BCKDHB: variants seen among roughly 807,000 people sequenced by gnomAD.
BCKDHB encodes the protein 2-oxoisovalerate dehydrogenase subunit beta, mitochondrial.
BCKDHB carries 41 observed loss-of-function variants against 48.5 expected under a neutral mutation model. The ratio of observed to expected loss-of-function variants is 0.85; its 90% CI spans 0.66 to 1.10. The LOEUF (loss-of-function observed/expected upper bound fraction) is 1.10, where lower values mean the gene tolerates loss of function less well. Among genes scored for constraint, BCKDHB ranks in the 50% least tolerant of loss-of-function variants. BCKDHB has a pLI of 0.00. For synonymous variants in BCKDHB, 201 were observed against 174.8 expected (o/e 1.15, Z -1.18); for missense variants, 496 against 494.2 (o/e 1.00, Z -0.03).
At chr6:80,269,579 G>T (rs935609114) in intron 8 of BCKDHB, among the ~76,000 whole-genome samples, 1 of 152,012 alleles carries the variant, frequency 6.6e-6, no homozygotes, top group Admixed American at 6.6e-5. Context: ...TCCAGGAACA[G>T]TACTCGGTGG....
At chr6:80,460,755 A>G in the BCKDHB span, among the ~76,000 whole-genome samples, 1 of 152,174 alleles carries the variant, frequency 6.6e-6, no homozygotes, top group East Asian at 1.9e-4. Flanking sequence ...TTTTGGAACA[A>G]GACTGATCTT....
At chr6:80,271,274 A>G (rs941122217) in intron 8 of BCKDHB, among the ~76,000 whole-genome samples, 1 of 152,096 alleles carries the variant, frequency 6.6e-6, no homozygotes, top group Admixed American at 6.6e-5. Context: ...AGTCTTTTTC[A>G]TGGCTGCATA....
the BCKDHB span, chr6:80,356,960 C>CT: frequency 1.5e-5 from 2 of 132,842 alleles, no homozygotes; most frequent in African/African-American, 3.0e-5. Flanking sequence ...CCGCCCCCCC[C>CT]CCACACACAC....
chr6:80,169,776 TTTA>T, intron 5 of BCKDHB: 6 of 1,582,620 alleles, frequency 3.8e-6, no homozygotes, highest in Non-Finnish European at 5.2e-6. Context: ...GTGTCTATGT[TTTA>T]TTCTTTTTTT....
chr6:80,175,099 C>G (rs1325806859), intron 6 of BCKDHB, among the ~76,000 whole-genome samples: 1 of 152,154 alleles, frequency 6.6e-6, no homozygotes, highest in Non-Finnish European at 1.5e-5. Context: ...TACCGGGCCT[C>G]TTCTCTCTGG....
In BCKDHB at chr6:80,204,452, C is replaced by T. The variant is rs983579092; in HGVS notation, c.951+1240C>T. On this transcript the variant is annotated intron_variant, in intron 8 of 9. Coordinates refer to ENST00000320393, the MANE Select transcript of BCKDHB (RefSeq NM_183050.4). ...GGCATTTTCAAATCAAGTCAGACAC[C>T]GGGTTTTCTTTCAAATAGCCAGACG... 1.1e-4 allele frequency among the ~76,000 whole-genome samples: 17 copies of T among 151,974 alleles called. No individual in the cohort carries two copies. The East Asian group carries it at 1.9e-3, about 17-fold the overall frequency.
intron 6 of BCKDHB, among the ~76,000 whole-genome samples, chr6:80,193,648 A>T (rs1774003796): frequency 1.4e-5 from 2 of 147,832 alleles, no homozygotes; most frequent in Admixed American, 1.4e-4. Flanking sequence ...TGAACCCAGG[A>T]GGTGGAGATT....
chr6:80,264,211 C>T (rs956440539), intron 8 of BCKDHB, among the ~76,000 whole-genome samples: 1 of 152,062 alleles, frequency 6.6e-6, no homozygotes, highest in African/African-American at 2.4e-5. Context: ...ATAGTACAAC[C>T]CTTTAGGGAC....
chr6:80,438,219 T>C, the BCKDHB span, among the ~76,000 whole-genome samples: 1 of 152,236 alleles, frequency 6.6e-6, no homozygotes, highest in Non-Finnish European at 1.5e-5. Flanking sequence ...AATGATGTCA[T>C]AATTTGCACA....
At chr6:80,448,151 C>T in the BCKDHB span, among the ~76,000 whole-genome samples, 2 of 151,832 alleles carry the variant, frequency 1.3e-5, no homozygotes, top group African/African-American at 4.8e-5. Context: ...CAGCATCAAG[C>T]CAGGAAGGAA....
chr6:80,411,351 G>T, the BCKDHB span, among the ~76,000 whole-genome samples: 731 of 152,222 alleles, frequency 4.8e-3, 5 homozygotes, highest in African/African-American at 0.017. Context: ...CCCAGAGGGG[G>T]ACCTGCCTGT....
At chr6:80,111,255 C>T (rs547495402) in intron 1 of BCKDHB, among the ~76,000 whole-genome samples, 8 of 152,308 alleles carry the variant, frequency 5.3e-5, no homozygotes, top group Non-Finnish European at 8.8e-5. Context: ...GTGCCCATGA[C>T]GTCCAGAGTT....
At chr6:80,122,499 G>A (rs1445985169) in intron 1 of BCKDHB, among the ~76,000 whole-genome samples, 2 of 152,200 alleles carry the variant, frequency 1.3e-5, no homozygotes, top group Non-Finnish European at 2.9e-5. Flanking sequence ...GAGAAATAAA[G>A]AGAAAGAGTA....
chr6:80,266,378 G>T (rs1777514305), intron 8 of BCKDHB, among the ~76,000 whole-genome samples: 1 of 152,106 alleles, frequency 6.6e-6, no homozygotes, highest in Non-Finnish European at 1.5e-5. Context: ...GTTATGCTTT[G>T]TTTGATGTTT....
chr6:80,318,186 TTATTCAATTAATC>T (rs1224522110), intron 9 of BCKDHB, among the ~76,000 whole-genome samples: 4 of 152,242 alleles, frequency 2.6e-5, no homozygotes, highest in Admixed American at 2.6e-4. Flanking sequence ...TGAAATTTAT[TTATTCAATTAATC>T]ATTCAAATGT....
chr6:80,304,397 A>G (rs1767746921), intron 9 of BCKDHB, among the ~76,000 whole-genome samples: 1 of 152,292 alleles, frequency 6.6e-6, no homozygotes, highest in East Asian at 1.9e-4. Flanking sequence ...TTCCTAGCAA[A>G]GTGAAAACTG....
rs535798116 is a variant in BCKDHB at position 80,110,417 on chromosome 6, G to C, written c.196+3528G>C. On this transcript the variant is annotated intron_variant, in intron 1 of 9. Coordinates refer to ENST00000320393, the MANE Select transcript of BCKDHB (RefSeq NM_183050.4). ...TTGTAGTTTTTTCATCCAGGATTTG[G>C]CTATACACAAGGAGGTCATCCATAT... Among the ~76,000 whole-genome samples, 44 of 152,188 alleles carry C rather than the reference G, an allele frequency of 2.9e-4. 2 individuals carry two copies. The South Asian group carries it at 9.1e-3, about 32-fold the overall frequency.
chr6:80,193,338 T>C (rs1417017653), intron 6 of BCKDHB, among the ~76,000 whole-genome samples: 1 of 152,104 alleles, frequency 6.6e-6, no homozygotes, highest in African/African-American at 2.4e-5. Context: ...TCAGTGATAA[T>C]AAGAAAACAT....
chr6:80,116,989 C>CT (rs1466299723), intron 1 of BCKDHB, among the ~76,000 whole-genome samples: 1 of 151,936 alleles, frequency 6.6e-6, no homozygotes. Context: ...ATAAATAACT[C>CT]TAAGGAAAAT....
Sources: allele counts gnomAD v4.1 joint callset (sites outside exome capture counted in the v4.1 genomes callset), GRCh38; gene constraint gnomAD v4.1.1; transcripts MANE v1.5; gene names NCBI Gene and HGNC (gene_info 2026-07-23, HGNC 2026-07-21).